EDNRA: variants seen among roughly 807,000 people sequenced by gnomAD.
EDNRA encodes endothelin-1 receptor.
In EDNRA, 11 loss-of-function variants were observed where a neutral mutation model predicts 41.4. That is an observed-to-expected ratio of 0.27 (90% CI 0.17 to 0.44). EDNRA has a LOEUF of 0.44. Ranked by LOEUF, EDNRA falls within the 20% of genes least tolerant of loss-of-function variation. The pLI is 1.00. For missense variants in EDNRA, 294 were observed against 531.0 expected, an observed-to-expected ratio of 0.55 and a Z score of 4.39; for synonymous variants, 172 against 183.0, an observed-to-expected ratio of 0.94 and a Z score of 0.49.
intron 2 of EDNRA, among the ~76,000 whole-genome samples, chr4:147,505,327 A>ATTTTTTT (rs869077171): frequency 0.024 from 1,875 of 79,610 alleles, 207 homozygotes; most frequent in African/African-American, 0.055. Context: ...TTCTTTTTTC[A>ATTTTTTT]TTTTTTTTTT....
rs1731219221 is a variant in EDNRA at position 147,544,367 on chromosome 4, T to C, written c.*1749T>C. ...CAGTATTTGGGGTCATATTGTTTCC[T>C]GTGCTGGAGCAAAAGTCATTACACT... On this transcript the variant is annotated 3_prime_UTR_variant, in exon 8 of 8. Coordinates refer to ENST00000651419, the MANE Select transcript of EDNRA (RefSeq NM_001957.4). 1 of 152,956 alleles carries C rather than the reference T, an allele frequency of 6.5e-6. No homozygotes were observed. Among genetic ancestry groups the C allele is most frequent in the South Asian group, 2.1e-4 (1 of 4,830 alleles). 9.5% of individuals were successfully genotyped at this position (152,956 alleles called of 1,614,324 possible).
chr4:147,506,807 T>C (rs1425465281), intron 2 of EDNRA: 1 of 204,728 alleles, frequency 4.9e-6, no homozygotes, highest in African/African-American at 2.4e-5. Context: ...ACAGTGATGC[T>C]AAGCAAAACG....
chr4:147,528,436 C>T (rs776459270), intron 3 of EDNRA, among the ~76,000 whole-genome samples: 18 of 149,786 alleles, frequency 1.2e-4, no homozygotes, highest in Non-Finnish European at 2.1e-4. Context: ...GGGATCGCTG[C>T]AGGCTCAACC....
At chr4:147,510,075 A>C (rs576381093) in intron 2 of EDNRA, among the ~76,000 whole-genome samples, 1 of 152,178 alleles carries the variant, frequency 6.6e-6, no homozygotes, top group East Asian at 1.9e-4. Flanking sequence ...TAAGATGAAC[A>C]GTGTTGATCA....
chr4:147,491,460 A>G (rs1729134245), intron 2 of EDNRA: 1 of 152,204 alleles, frequency 6.6e-6, no homozygotes, highest in Non-Finnish European at 1.5e-5. Flanking sequence ...AGCATAGTAG[A>G]TGTTCAGTAA....
At chr4:147,540,096 T>A in intron 6 of EDNRA, 146 bp downstream of exon 6, 1 of 1,156,456 alleles carries the variant, frequency 8.6e-7, no homozygotes, top group Non-Finnish European at 1.2e-6. Flanking sequence ...TGACATAGCC[T>A]ATAACTGATC....
chr4:147,493,368 G>C (rs867501818), intron 2 of EDNRA: 3 of 148,054 alleles, frequency 2.0e-5, no homozygotes, highest in African/African-American at 8.0e-5. Flanking sequence ...CTATAGGGTA[G>C]TCTTATGAGT....
intron 3 of EDNRA, among the ~76,000 whole-genome samples, chr4:147,522,255 A>T (rs1553979125): frequency 6.6e-6 from 1 of 152,118 alleles, no homozygotes; most frequent in Non-Finnish European, 1.5e-5. Context: ...AAATTAGTTT[A>T]GGGCTGGGTG....
intron 3 of EDNRA, among the ~76,000 whole-genome samples, chr4:147,520,946 G>A (rs959376591): frequency 1.3e-5 from 2 of 152,144 alleles, no homozygotes; most frequent in Non-Finnish European, 2.9e-5. Context: ...TAGAAAATTA[G>A]AATGGTATCC....
At chr4:147,540,074 T>G in intron 6 of EDNRA, 124 bp downstream of exon 6, 1 of 1,367,992 alleles carries the variant, frequency 7.3e-7, no homozygotes, top group Non-Finnish European at 9.8e-7. Flanking sequence ...AAAGTTGATT[T>G]TTTTCTTTAG....
At chr4:147,536,584 G>A (rs561646009) in intron 5 of EDNRA, among the ~76,000 whole-genome samples, 2 of 152,268 alleles carry the variant, frequency 1.3e-5, no homozygotes, top group South Asian at 2.1e-4. Context: ...ATTTCAGGTG[G>A]AAGAACAGGA....
At chr4:147,484,023 G>T (rs1340176562) in intron 1 of EDNRA, among the ~76,000 whole-genome samples, 2 of 151,906 alleles carry the variant, frequency 1.3e-5, no homozygotes, top group African/African-American at 2.4e-5. Context: ...ACCCAACCAG[G>T]ACTCAATTTT....
chr4:147,509,721 C>T (rs1432902913), intron 2 of EDNRA, among the ~76,000 whole-genome samples: 1 of 151,898 alleles, frequency 6.6e-6, no homozygotes, highest in Non-Finnish European at 1.5e-5. Flanking sequence ...ATTGTGCATT[C>T]CTTATGAGAA....
At chr4:147,489,148 T>C (rs1269642786) in intron 2 of EDNRA, 2 of 152,224 alleles carry the variant, frequency 1.3e-5, no homozygotes, top group East Asian at 3.8e-4. Context: ...TTAACAATTA[T>C]ATTAATTGCT....
At chr4:147,531,938 A>T (rs993895421) in intron 3 of EDNRA, among the ~76,000 whole-genome samples, 4 of 149,272 alleles carry the variant, frequency 2.7e-5, no homozygotes, top group Non-Finnish European at 5.9e-5. Context: ...TGAACCTGGG[A>T]GGCGGAGCTT....
At chr4:147,528,962 G>A (rs192415261) in intron 3 of EDNRA, among the ~76,000 whole-genome samples, 7 of 152,260 alleles carry the variant, frequency 4.6e-5, no homozygotes, top group East Asian at 1.9e-4. Context: ...ATGTTCTGAC[G>A]TAACAGCCTC....
intron 3 of EDNRA, among the ~76,000 whole-genome samples, chr4:147,523,461 G>GTT (rs796601293): frequency 3.1e-5 from 4 of 131,020 alleles, no homozygotes; most frequent in African/African-American, 1.0e-4. Flanking sequence ...TTGGGTGTTT[G>GTT]TTTTTTTTTG....
rs878926312 is a variant in EDNRA at position 147,542,708 on chromosome 4, A to T, written c.*90A>T. On this transcript the variant is annotated 3_prime_UTR_variant, in exon 8 of 8. Coordinates refer to ENST00000651419, the MANE Select transcript of EDNRA (RefSeq NM_001957.4). ...TGTGAGTCCGGGAATCTCTTCTCTGATCCTTCTTCCTTAATTCACTCCCAC... is the reference window on the plus strand; with the variant it reads ...TGTGAGTCCGGGAATCTCTTCTCTGTTCCTTCTTCCTTAATTCACTCCCAC... 51 of 1,510,516 alleles carry T rather than the reference A, an allele frequency of 3.4e-5. No homozygotes were observed. The South Asian group carries it at 6.2e-4, about 18-fold the overall frequency. 93.6% of individuals were successfully genotyped at this position (1,510,516 alleles called of 1,614,324 possible).
At chr4:147,501,993 C>T (rs1729532330) in intron 2 of EDNRA, among the ~76,000 whole-genome samples, 1 of 152,168 alleles carries the variant, frequency 6.6e-6, no homozygotes, top group Non-Finnish European at 1.5e-5. Flanking sequence ...TCCTATTTCC[C>T]CATTGCCTAA....
Sources: gnomAD v4.1 joint callset for allele counts (sites outside exome capture counted in the v4.1 genomes callset) on GRCh38, gnomAD v4.1.1 for gene constraint, MANE v1.5 for transcripts, NCBI Gene and HGNC (gene_info 2026-07-23, HGNC 2026-07-21) for gene names.